SNTG1: variants seen among roughly 807,000 people sequenced by gnomAD.
SNTG1 encodes gamma-1-syntrophin.
In SNTG1, 39 loss-of-function variants were observed where a neutral mutation model predicts 74.7. That is an observed-to-expected ratio of 0.52 (90% CI 0.40 to 0.68). The LOEUF is 0.68. SNTG1 is among the 30% of genes least tolerant of loss of function. SNTG1 has a pLI of 0.00. For missense variants in SNTG1, 685 were observed against 609.5 expected (o/e 1.12, Z -1.30); for synonymous variants, 254 against 217.1 (o/e 1.17, Z -1.49).
intron 2 of SNTG1, among the ~76,000 whole-genome samples, chr8:50,216,132 A>G (rs2084779918): frequency 6.6e-6 from 1 of 152,130 alleles, no homozygotes; most frequent in South Asian, 2.1e-4. Flanking sequence ...TCAATGGGTC[A>G]GCTGATTTGG....
At chr8:50,372,060 C>T (rs1252948638) in intron 2 of SNTG1, among the ~76,000 whole-genome samples, 1 of 151,972 alleles carries the variant, frequency 6.6e-6, no homozygotes. Flanking sequence ...ATTGCCATTT[C>T]GTTATTGTTT....
At chr8:50,146,005 A>G (rs1464879122) in intron 1 of SNTG1, among the ~76,000 whole-genome samples, 1 of 151,932 alleles carries the variant, frequency 6.6e-6, no homozygotes, top group Admixed American at 6.6e-5. Context: ...GGAAACTTGT[A>G]GAAATATAGC....
intron 2 of SNTG1, among the ~76,000 whole-genome samples, chr8:50,310,656 C>A (rs922547580): frequency 1.1e-4 from 16 of 152,054 alleles, no homozygotes; most frequent in African/African-American, 3.4e-4. Flanking sequence ...CCATTGCACT[C>A]CAACCTGGAC....
At chr8:50,331,882 A>G (rs1165757563) in intron 2 of SNTG1, among the ~76,000 whole-genome samples, 2 of 152,244 alleles carry the variant, frequency 1.3e-5, no homozygotes, top group African/African-American at 4.8e-5. Flanking sequence ...GACAGCAGAA[A>G]AAAGTGTTCA....
At chr8:50,752,466 A>T (rs7011716) in intron 18 of SNTG1, among the ~76,000 whole-genome samples, 14,833 of 151,936 alleles carry the variant, frequency 0.098, 2,071 homozygotes, top group African/African-American at 0.31. Flanking sequence ...CTATATTTAC[A>T]TAAATTTATA....
chr8:50,677,896 T>A lies in SNTG1; in HGVS notation c.1038+19233T>A, dbSNP rs1452692649. The stretch of plus-strand genomic sequence containing the variant: ...TAACAATATTTTAACTGTCATGCAT[T>A]ATTTTATTAACAATAATAATATTGT... On this transcript the variant is annotated intron_variant, in intron 15 of 18. Transcript: ENST00000642720. Among the ~76,000 whole-genome samples the A allele has an allele frequency of 3.9e-5, 6 of 152,070 alleles. No individual in the cohort carries two copies. The East Asian group carries it at 5.8e-4, about 15-fold the overall frequency.
Position 50,604,712 on chromosome 8 carries a change from A to G in SNTG1, c.849+13795A>G, listed in dbSNP as rs939341048. 4.6e-5 allele frequency among the ~76,000 whole-genome samples: 7 copies of G among 152,144 alleles called. No individual in the cohort carries two copies. In the East Asian group the frequency reaches 7.7e-4, roughly 17 times the overall value. ...GAGTCTAGGCCTGGATTTAGCCACC[A>G]CAATAGCCTGCTTGGTGCTCTACCC... On this transcript the variant is annotated intron_variant, in intron 13 of 18. Transcript: ENST00000642720.
At chr8:50,730,879 C>G (rs1008148592) in intron 17 of SNTG1, among the ~76,000 whole-genome samples, 1 of 152,066 alleles carries the variant, frequency 6.6e-6, no homozygotes, top group Admixed American at 6.6e-5. Flanking sequence ...CGCTACTAAA[C>G]TAGTTTGAAA....
At chr8:50,154,728 C>T (rs112470820) in intron 1 of SNTG1, among the ~76,000 whole-genome samples, 1 of 152,154 alleles carries the variant, frequency 6.6e-6, no homozygotes, top group African/African-American at 2.4e-5. Context: ...CTGGCCTATA[C>T]TGATCACAAC....
chr8:50,324,002 C>A (rs1445042556), intron 2 of SNTG1, among the ~76,000 whole-genome samples: 1 of 152,186 alleles, frequency 6.6e-6, no homozygotes, highest in Non-Finnish European at 1.5e-5. Flanking sequence ...GTCACCCTAA[C>A]CCACCTGCTC....
intron 8 of SNTG1, among the ~76,000 whole-genome samples, chr8:50,484,149 T>A (rs7461485): frequency 3.4e-4 from 16 of 47,010 alleles, no homozygotes; most frequent in South Asian, 1.3e-3. Context: ...TCTTTCTTTC[T>A]TTCCTTCCTT....
intron 18 of SNTG1, among the ~76,000 whole-genome samples, chr8:50,777,122 T>C (rs1278628351): frequency 2.0e-5 from 3 of 151,404 alleles, no homozygotes; most frequent in Non-Finnish European, 4.4e-5. Flanking sequence ...ATGTATTCTT[T>C]CACCAATTTC....
intron 15 of SNTG1, 51 bp downstream of exon 15, chr8:50,658,714 T>C (rs989116036): frequency 3.9e-6 from 5 of 1,283,920 alleles, no homozygotes; most frequent in Admixed American, 3.7e-5. Flanking sequence ...CAGCAAATAG[T>C]GCCTCTGGGC....
chr8:50,300,221 A>C (rs1262881044), intron 2 of SNTG1, among the ~76,000 whole-genome samples: 1 of 152,136 alleles, frequency 6.6e-6, no homozygotes, highest in Non-Finnish European at 1.5e-5. Flanking sequence ...ATTACGAAAC[A>C]GTTGTAGTAT....
At chr8:50,471,014 G>C (rs1216667602) in intron 8 of SNTG1, among the ~76,000 whole-genome samples, 1 of 152,030 alleles carries the variant, frequency 6.6e-6, no homozygotes, top group Non-Finnish European at 1.5e-5. Context: ...ACAGAATGCT[G>C]ATTGGTGTGT....
rs1369867908 is a variant in SNTG1 at position 50,449,731 on chromosome 8, AT to A, written c.277+7del. On this transcript the variant is annotated splice_region_variant and intron_variant, in intron 6 of 18. Transcript: ENST00000642720. Reference sequence around the variant, plus strand: ...AATCTCCAAGGAACAAAGAGGTAATATGTTTAGAGAATTGTGTACCAGCCAT... The same window carrying A: ...AATCTCCAAGGAACAAAGAGGTAATAGTTTAGAGAATTGTGTACCAGCCAT... The A allele has an allele frequency of 2.5e-6, 4 of 1,580,050 alleles. No homozygotes were observed. In the African/African-American group the frequency reaches 5.4e-5, roughly 21 times the overall value.
At position 50,220,380 on chromosome 8, in the gene SNTG1, G is replaced by T. The variant is rs141555237; in HGVS notation, c.-28+47745G>T. Among the ~76,000 whole-genome samples the T allele has an allele frequency of 4.5e-3, 682 of 152,170 alleles. 14 individuals are homozygous for T. Among genetic ancestry groups the T allele is most frequent in the East Asian group, 0.043 (222 of 5,166 alleles). On this transcript the variant is annotated intron_variant, in intron 2 of 18. Transcript: ENST00000642720. ...ATTGTTCTGAAAAATATATTCAAAA[G>T]ATAACAGGGATTATGAGAACAAAGA...
At chr8:50,639,159 CT>C (rs1239277888) in intron 13 of SNTG1, among the ~76,000 whole-genome samples, 1 of 150,926 alleles carries the variant, frequency 6.6e-6, no homozygotes, top group Non-Finnish European at 1.5e-5. Flanking sequence ...GTTTAAAGTT[CT>C]GTAAGAGCAG....
At chr8:50,332,475 A>G (rs1285347858) in intron 2 of SNTG1, among the ~76,000 whole-genome samples, 2 of 152,084 alleles carry the variant, frequency 1.3e-5, no homozygotes, top group Non-Finnish European at 2.9e-5. Flanking sequence ...TTTATAATTA[A>G]TACTAAAATA....
Sources: allele counts gnomAD v4.1 joint callset (sites outside exome capture counted in the v4.1 genomes callset), GRCh38; gene constraint gnomAD v4.1.1; transcripts MANE v1.5; gene names NCBI Gene and HGNC (gene_info 2026-07-23, HGNC 2026-07-21).